ETNPPL: variants seen among roughly 807,000 people sequenced by gnomAD.
The protein encoded by ETNPPL is ethanolamine-phosphate phospho-lyase.
Under a neutral mutation model 55.5 loss-of-function variants are expected in ETNPPL, and 30 were observed. The observed-to-expected ratio is 0.54, with a 90% CI of 0.40 to 0.73. The LOEUF (loss-of-function observed/expected upper bound fraction) is 0.73, where lower values mean the gene tolerates loss of function less well. ETNPPL is among the 30% of genes least tolerant of loss of function. The pLI is 0.00. For synonymous variants in ETNPPL, 202 were observed against 207.2 expected (o/e 0.98, Z 0.21); for missense variants, 528 against 607.9 (o/e 0.87, Z 1.38).
intron 12 of ETNPPL, among the ~76,000 whole-genome samples, chr4:108,743,259 G>A (rs1190811031): frequency 6.6e-6 from 1 of 152,144 alleles, no homozygotes; most frequent in Non-Finnish European, 1.5e-5. Flanking sequence ...GGCAGCTCAG[G>A]AGAGAATGGC....
rs1180578800 is a variant in ETNPPL, at chr4:108,760,255, G to A, written c.108C>T (p.Ala36=). 1 of 1,612,624 alleles carries A rather than the reference G, an allele frequency of 6.2e-7. No homozygotes were observed. The highest frequency in any genetic ancestry group is 8.5e-7 in the Non-Finnish European group (1 of 1,178,920). The change falls in exon 2 of 13, where the codon GCC becomes GCT. Residue 36 remains alanine, a synonymous_variant. Coordinates refer to ENST00000296486, the MANE Select transcript of ETNPPL (RefSeq NM_031279.4). The part of the protein sequence containing the change: ...FASDPIKIVR[A]QRQYMFDENG... The stretch of plus-strand genomic sequence containing the variant: ...TCTCATCAAACATGTACTGCCTCTG[G>A]GCTCTCACTATTTTGATGGGATCCG...
chr4:108,758,908 G>A (rs1227945258), intron 3 of ETNPPL, among the ~76,000 whole-genome samples: 1 of 152,172 alleles, frequency 6.6e-6, no homozygotes, highest in Non-Finnish European at 1.5e-5. Flanking sequence ...AATTAGCTGG[G>A]TGTGGTGGCG....
chr4:108,742,217 T>G lies in ETNPPL; in HGVS notation c.*267A>C. ...GAGAGGTAAATCTGCCAATTTATTT[T>G]GAGTTTGCAAGCTTACAATTTAATA... On this transcript the variant is annotated 3_prime_UTR_variant, in exon 13 of 13. Coordinates refer to ENST00000296486, the MANE Select transcript of ETNPPL (RefSeq NM_031279.4). 3.7e-6 allele frequency: 1 copy of G among 269,848 alleles called. No individual in the cohort carries two copies. Among genetic ancestry groups the G allele is most frequent in the South Asian group, 8.2e-5 (1 of 12,150 alleles). 16.7% of individuals were successfully genotyped at this position (269,848 alleles called of 1,614,324 possible).
chr4:108,751,627 A>G (rs982570991), intron 6 of ETNPPL, among the ~76,000 whole-genome samples: 1 of 152,252 alleles, frequency 6.6e-6, no homozygotes, highest in Non-Finnish European at 1.5e-5. Flanking sequence ...GAGAAAGCAC[A>G]AAGAATGTGA....
chr4:108,757,068 T>C (rs72666461), intron 3 of ETNPPL, among the ~76,000 whole-genome samples: 13,817 of 152,176 alleles, frequency 0.091, 896 homozygotes, highest in Non-Finnish European at 0.14. Context: ...TTCAGCCACA[T>C]AGTGACTGAG....
intron 9 of ETNPPL, chr4:108,747,778 G>GA (rs1467254951): frequency 1.7e-5 from 7 of 413,562 alleles, no homozygotes; most frequent in Non-Finnish European, 2.9e-5. Context: ...ACCCAGGCTG[G>GA]AATGCAGTGG....
intron 7 of ETNPPL, among the ~76,000 whole-genome samples, chr4:108,749,999 C>T (rs1422929856): frequency 1.1e-4 from 16 of 152,124 alleles, no homozygotes; most frequent in Admixed American, 1.0e-3. Flanking sequence ...GTGCATGAGC[C>T]ACAGCACCCA....
intron 9 of ETNPPL, chr4:108,747,802 C>G: frequency 2.1e-6 from 1 of 475,756 alleles, no homozygotes; most frequent in Non-Finnish European, 3.6e-6. Context: ...AATCTCGGCT[C>G]ACTGCAACCT....
At chr4:108,753,711 C>T (rs1179272594) in intron 5 of ETNPPL, among the ~76,000 whole-genome samples, 1 of 143,164 alleles carries the variant, frequency 7.0e-6, no homozygotes, top group Non-Finnish European at 1.5e-5. Flanking sequence ...CACTGCACTC[C>T]AGCCTAGGTA....
intron 2 of ETNPPL, 105 bp from the exon 3 acceptor site, chr4:108,760,013 A>T (rs756747919): frequency 2.5e-5 from 32 of 1,267,892 alleles, no homozygotes; most frequent in Non-Finnish European, 3.5e-5. Context: ...CAAACAAACA[A>T]AAGTTGAGTT....
At chr4:108,755,152 C>T (rs1183017729) in intron 4 of ETNPPL, among the ~76,000 whole-genome samples, 6 of 152,142 alleles carry the variant, frequency 3.9e-5, no homozygotes, top group African/African-American at 9.6e-5. Context: ...TGTTTCTGTT[C>T]GGGATGATTT....
chr4:108,751,938 C>T (rs1162999504), intron 6 of ETNPPL, among the ~76,000 whole-genome samples: 5 of 152,158 alleles, frequency 3.3e-5, no homozygotes, highest in Admixed American at 6.5e-5. Flanking sequence ...GCAAAGAGTC[C>T]GTAAGATCTT....
At chr4:108,743,938 C>G in intron 11 of ETNPPL, 82 bp from the exon 12 acceptor site, 1 of 854,828 alleles carries the variant, frequency 1.2e-6, no homozygotes, top group East Asian at 2.4e-5. Context: ...TTAGCAATAC[C>G]TTTAATGAAG....
In ETNPPL at chr4:108,743,815, A is replaced by T. The variant is rs2125669091; in HGVS notation, c.1345T>A (p.Ser449Thr). 1 of 1,611,918 alleles carries T rather than the reference A, an allele frequency of 6.2e-7. No homozygotes were observed. Among genetic ancestry groups the T allele is most frequent in the Non-Finnish European group, 8.5e-7 (1 of 1,178,078 alleles). The change falls in exon 12 of 13, where the codon TCT becomes ACT. Residue 449 changes from serine (S) to threonine (T), a missense_variant. Coordinates refer to ENST00000296486, the MANE Select transcript of ETNPPL (RefSeq NM_031279.4). Reference protein sequence around the residue: ...AMGTKTESVTSENTPCKTKML... With the variant: ...AMGTKTESVTTENTPCKTKML... ...TTTGTTTTGCATGGAGTATTCTCAG[A>T]GGTCACACTTTCGGTTTTGGTTCCC...
Position 108,762,713 on chromosome 4 carries a change from T to G in ETNPPL, c.56+130A>C, listed in dbSNP as rs930306674. The G allele has an allele frequency of 6.2e-5, 72 of 1,163,032 alleles. No individual in the cohort carries two copies. In the South Asian group the frequency reaches 8.4e-4, roughly 14 times the overall value. The allele number at this position is 1,163,032 out of a possible 1,614,324, so 72.0% of individuals were successfully genotyped here. On this transcript the variant is annotated intron_variant, in intron 1 of 12. Transcript: ENST00000296486. ...TGCAGGTGGAGGCGCGCGGGGCGCG[T>G]GCACAGGCGCGGCGGGCACGGAGTG... is the stretch of plus-strand genomic sequence containing the variant.
At chr4:108,753,952 G>T (rs1403058812) in intron 5 of ETNPPL, among the ~76,000 whole-genome samples, 1 of 149,646 alleles carries the variant, frequency 6.7e-6, no homozygotes, top group Non-Finnish European at 1.5e-5. Context: ...TTATTATACA[G>T]AGCAATTTAC....
chr4:108,751,524 G>A (rs530680515), intron 6 of ETNPPL, among the ~76,000 whole-genome samples: 4 of 152,248 alleles, frequency 2.6e-5, no homozygotes, highest in Admixed American at 1.3e-4. Context: ...CCTAAACCAC[G>A]CTTAACTCAA....
intron 1 of ETNPPL, 114 bp downstream of exon 1, chr4:108,762,729 G>A (rs1235883380): frequency 2.1e-5 from 28 of 1,302,418 alleles, no homozygotes; most frequent in Non-Finnish European, 8.9e-6. Flanking sequence ...GGCGCGGCGG[G>A]CACGGAGTGC....
intron 2 of ETNPPL, 131 bp downstream of exon 2, chr4:108,760,057 C>G: frequency 9.3e-7 from 1 of 1,073,398 alleles, no homozygotes; most frequent in Non-Finnish European, 1.4e-6. Flanking sequence ...CGATTTTCCC[C>G]ACTAGGACTA....
Sources: allele counts gnomAD v4.1 joint callset (sites outside exome capture counted in the v4.1 genomes callset), GRCh38; gene constraint gnomAD v4.1.1; transcripts MANE v1.5; gene names NCBI Gene and HGNC (gene_info 2026-07-23, HGNC 2026-07-21).